CFTR: variants seen among roughly 807,000 people sequenced by gnomAD.
CFTR encodes CF transmembrane conductance regulator.
A neutral mutation model predicts 171.6 loss-of-function variants in CFTR; 181 were observed. The ratio of observed to expected loss-of-function variants is 1.05; its 90% CI spans 0.93 to 1.19. The LOEUF is 1.19. CFTR is among the 50% of genes most tolerant of loss of function. The pLI, the probability that CFTR is intolerant of heterozygous loss-of-function variation, is 0.00. For missense variants in CFTR, 1,968 were observed against 1,734.7 expected (o/e 1.13, Z -2.39); for synonymous variants, 583 against 608.0 (o/e 0.96, Z 0.60).
chr7:117,645,372 A>G (rs927332748), intron 23 of CFTR, among the ~76,000 whole-genome samples: 1 of 152,226 alleles, frequency 6.6e-6, no homozygotes, highest in African/African-American at 2.4e-5. Context: ...GAAAAGTTCA[A>G]AATTACACTC....
chr7:117,513,662 A>T (rs1257561446), intron 3 of CFTR, among the ~76,000 whole-genome samples: 1 of 152,166 alleles, frequency 6.6e-6, no homozygotes, highest in African/African-American at 2.4e-5. Context: ...GTGCATAGAG[A>T]GCCTGTGGCT....
chr7:117,539,073 GC>G (rs1799004339), intron 7 of CFTR, among the ~76,000 whole-genome samples: 2 of 152,210 alleles, frequency 1.3e-5, no homozygotes, highest in Middle Eastern at 6.8e-3. Context: ...CACAGCTGTT[GC>G]CCCCTTTCAC....
At chr7:117,506,320 C>T (rs1037003874) in intron 2 of CFTR, among the ~76,000 whole-genome samples, 1 of 152,136 alleles carries the variant, frequency 6.6e-6, no homozygotes, top group African/African-American at 2.4e-5. Context: ...AATTTTGGCT[C>T]ACTGCAAACT....
At chr7:117,558,614 A>G (rs1357340727) in intron 10 of CFTR, among the ~76,000 whole-genome samples, 1 of 151,184 alleles carries the variant, frequency 6.6e-6, no homozygotes, top group Admixed American at 6.6e-5. Context: ...TTCCTCTGCT[A>G]CCTCCTTTCC....
At chr7:117,519,439 C>T (rs1798651003) in intron 3 of CFTR, among the ~76,000 whole-genome samples, 1 of 151,984 alleles carries the variant, frequency 6.6e-6, no homozygotes, top group Admixed American at 6.6e-5. Flanking sequence ...AGTATATAAG[C>T]CAGCATTCAT....
intron 3 of CFTR, 76 bp from the exon 4 acceptor site, chr7:117,530,823 G>A: frequency 1.0e-6 from 1 of 977,590 alleles, no homozygotes. Flanking sequence ...AAGATGAAAA[G>A]TCTTGTGTTG....
Position 117,590,377 on chromosome 7 carries a change from G to T in CFTR, c.1704G>T (p.Leu568Phe), listed in dbSNP as rs397508275. ...GAGCAGTATACAAAGATGCTGATTT[G>T]TATTTATTAGACTCTCCTTTTGGAT... ...LARAVYKDAD[L>F]YLLDSPFGYL... Residue 568 changes from leucine (L) to phenylalanine (F), a missense_variant, in exon 13 of 27, where the codon TTG (leucine) becomes TTT (phenylalanine). Coordinates refer to ENST00000003084, the MANE Select transcript of CFTR (RefSeq NM_000492.4). The T allele has an allele frequency of 6.9e-6, 11 of 1,603,100 alleles. No homozygotes were observed. The highest frequency in any genetic ancestry group is 2.2e-5 in the East Asian group (1 of 44,556).
chr7:117,493,502 G>A (rs1006006213), intron 1 of CFTR, among the ~76,000 whole-genome samples: 3 of 152,050 alleles, frequency 2.0e-5, no homozygotes, highest in Non-Finnish European at 4.4e-5. Flanking sequence ...GGGATTCACT[G>A]TGGGAATGCG....
intron 12 of CFTR, among the ~76,000 whole-genome samples, chr7:117,589,106 A>G (rs1317217075): frequency 2.0e-5 from 3 of 152,026 alleles, no homozygotes; most frequent in African/African-American, 7.2e-5. Flanking sequence ...ACTAAAAATA[A>G]TTGTCTGTTC....
intron 11 of CFTR, among the ~76,000 whole-genome samples, chr7:117,572,322 A>T (rs1791704196): frequency 6.6e-6 from 1 of 152,052 alleles, no homozygotes; most frequent in South Asian, 2.1e-4. Context: ...TTTTAAGCTG[A>T]TTGAAGATTC....
chr7:117,629,196 C>A (rs534009557), intron 22 of CFTR, among the ~76,000 whole-genome samples: 28 of 152,156 alleles, frequency 1.8e-4, no homozygotes, highest in Non-Finnish European at 3.7e-4. Flanking sequence ...ATAGGCCATG[C>A]GTGTTCAGTA....
At chr7:117,501,419 TTAAA>T (rs1368923650) in intron 1 of CFTR, among the ~76,000 whole-genome samples, 4 of 151,782 alleles carry the variant, frequency 2.6e-5, no homozygotes, top group African/African-American at 9.7e-5. Flanking sequence ...CAACTTATAA[TTAAA>T]TAAATTATAT....
intron 1 of CFTR, among the ~76,000 whole-genome samples, chr7:117,485,463 A>G (rs1798060018): frequency 6.6e-6 from 1 of 152,182 alleles, no homozygotes; most frequent in Non-Finnish European, 1.5e-5. Context: ...GTGCATTATC[A>G]TGGAGGAAAA....
intron 6 of CFTR, 87 bp from the exon 7 acceptor site, chr7:117,536,461 G>A (rs1798957008): frequency 3.1e-6 from 4 of 1,291,634 alleles, no homozygotes; most frequent in Middle Eastern, 2.4e-4. Flanking sequence ...AAAGAAATAT[G>A]ACTTAAAACC....
chr7:117,553,432 A>G (rs548399514), intron 10 of CFTR, among the ~76,000 whole-genome samples: 3 of 152,286 alleles, frequency 2.0e-5, no homozygotes, highest in South Asian at 2.1e-4. Context: ...TAGGCTTCCT[A>G]TAAGTGGTCA....
At chr7:117,482,657 C>T (rs1183732065) in intron 1 of CFTR, among the ~76,000 whole-genome samples, 1 of 152,084 alleles carries the variant, frequency 6.6e-6, no homozygotes, top group African/African-American at 2.4e-5. Flanking sequence ...AATTCATATA[C>T]AAGTGGGATT....
At chr7:117,496,032 C>T (rs955144181) in intron 1 of CFTR, among the ~76,000 whole-genome samples, 3 of 152,104 alleles carry the variant, frequency 2.0e-5, no homozygotes, top group Non-Finnish European at 4.4e-5. Context: ...TTCCTTATTC[C>T]AAATCCCCCT....
intron 11 of CFTR, among the ~76,000 whole-genome samples, chr7:117,582,647 A>G (rs1378492536): frequency 6.6e-6 from 1 of 152,148 alleles, no homozygotes; most frequent in East Asian, 1.9e-4. Context: ...CAAAGTGTTG[A>G]AAAGACCAGG....
intron 15 of CFTR, among the ~76,000 whole-genome samples, chr7:117,595,580 T>C (rs1792107514): frequency 6.6e-6 from 1 of 151,904 alleles, no homozygotes; most frequent in Non-Finnish European, 1.5e-5. Flanking sequence ...AATAGAAGGC[T>C]TTTATTTGGA....
Sources: allele counts gnomAD v4.1 joint callset (sites outside exome capture counted in the v4.1 genomes callset), GRCh38; gene constraint gnomAD v4.1.1; transcripts MANE v1.5; gene names NCBI Gene and HGNC (gene_info 2026-07-23, HGNC 2026-07-21).